The following RUNX1 variants were observed in gnomAD, a reference collection of about 807,000 sequenced individuals.
RUNX1 encodes the protein runt-related transcription factor 1.
A neutral mutation model predicts 42.8 loss-of-function variants in RUNX1; 19 were observed. The observed-to-expected ratio is 0.44, with a 90% CI of 0.31 to 0.65. The LOEUF (loss-of-function observed/expected upper bound fraction) is 0.65, where lower values mean the gene tolerates loss of function less well. Among genes scored for constraint, RUNX1 ranks in the 30% least tolerant of loss-of-function variants. The probability of loss-of-function intolerance (pLI) is 0.07; values close to 1 mark genes in which losing one functional copy is unlikely to be tolerated. For missense variants in RUNX1, 528 were observed against 672.0 expected, an observed-to-expected ratio of 0.79 and a Z score of 2.37; for synonymous variants, 271 against 289.4, an observed-to-expected ratio of 0.94 and a Z score of 0.64.
intron 4 of RUNX1, among the ~76,000 whole-genome samples, chr21:34,884,532 A>G (rs951262657): frequency 6.6e-6 from 1 of 152,208 alleles, no homozygotes; most frequent in African/African-American, 2.4e-5. Flanking sequence ...TTTCTGTTGA[A>G]GCTGCTTGTG....
chr21:34,891,860 C>G (rs1251322828), intron 3 of RUNX1, among the ~76,000 whole-genome samples: 1 of 152,050 alleles, frequency 6.6e-6, no homozygotes. Flanking sequence ...TTAAAAAGTA[C>G]TGCTTGGTTA....
intron 7 of RUNX1, among the ~76,000 whole-genome samples, chr21:34,831,071 C>T (rs1052067036): frequency 3.3e-5 from 5 of 152,082 alleles, no homozygotes; most frequent in African/African-American, 9.7e-5. Context: ...GAACAGGCAT[C>T]GGTACCACTA....
intron 2 of RUNX1, among the ~76,000 whole-genome samples, chr21:35,015,082 G>A (rs1486536197): frequency 6.6e-6 from 1 of 152,186 alleles, no homozygotes. Context: ...GCAGCAACGT[G>A]GAGTGAATAA....
chr21:35,036,472 G>A lies in RUNX1; in HGVS notation c.58+12370C>T, dbSNP rs533146512. On this transcript the variant is annotated intron_variant, in intron 2 of 8. Transcript: ENST00000675419. ...TTATGATTGCATCCTTCAGCATGCC[G>A]AACCCCTCCAGAAAGGGAAGGAACT... Among the ~76,000 whole-genome samples, 6 of 152,200 alleles carry A rather than the reference G, an allele frequency of 3.9e-5. No individual in the cohort carries two copies. In the East Asian group the frequency reaches 1.2e-3, roughly 29 times the overall value.
At chr21:34,934,279 T>A (rs990337599) in intron 2 of RUNX1, among the ~76,000 whole-genome samples, 5 of 152,142 alleles carry the variant, frequency 3.3e-5, no homozygotes, top group East Asian at 3.8e-4. Context: ...AATTTTTTTT[T>A]AATCATCTTA....
chr21:35,010,244 C>T (rs763597711), intron 2 of RUNX1, among the ~76,000 whole-genome samples: 25 of 152,090 alleles, frequency 1.6e-4, no homozygotes, highest in Non-Finnish European at 3.1e-4. Flanking sequence ...ATTATTACTC[C>T]ATAAGCTCCA....
At chr21:34,961,694 G>A (rs2058683168) in intron 2 of RUNX1, among the ~76,000 whole-genome samples, 1 of 152,142 alleles carries the variant, frequency 6.6e-6, no homozygotes. Flanking sequence ...GTCCCTAGGT[G>A]AGCAACAATT....
In RUNX1 at chr21:34,889,875, C is replaced by T. The variant is rs1341915081; in HGVS notation, c.98-2779G>A. On this transcript the variant is annotated intron_variant, in intron 3 of 8. Coordinates refer to ENST00000675419, the MANE Select transcript of RUNX1 (RefSeq NM_001754.5). ...CACGCCCTCCCTGCCGGGCCCTGCA[C>T]CTCCCGGGGCCTCTCATCCACCCCG... 20 of 1,070,154 alleles carry T rather than the reference C, an allele frequency of 1.9e-5. No individual in the cohort carries two copies. The South Asian group carries it at 6.7e-4, about 36-fold the overall frequency. The allele number at this position is 1,070,154 out of a possible 1,614,324, so 66.3% of individuals were successfully genotyped here. A position where few individuals can be genotyped will look rare whatever the true frequency, so the allele number is the denominator to read the frequency against.
chr21:34,928,010 T>A (rs1215869452), intron 2 of RUNX1, among the ~76,000 whole-genome samples: 1 of 152,170 alleles, frequency 6.6e-6, no homozygotes, highest in Non-Finnish European at 1.5e-5. Context: ...CAGTCTTTGG[T>A]GTTTAAAAAA....
intron 2 of RUNX1, among the ~76,000 whole-genome samples, chr21:34,948,047 A>G (rs2058577634): frequency 6.8e-6 from 1 of 146,540 alleles, no homozygotes; most frequent in Non-Finnish European, 1.5e-5. Context: ...CATTACCCTC[A>G]TCATCCCCAC....
chr21:34,993,370 C>A (rs1039955649), intron 2 of RUNX1, among the ~76,000 whole-genome samples: 6 of 152,078 alleles, frequency 3.9e-5, no homozygotes, highest in Admixed American at 3.3e-4. Context: ...GTTCTAGGGG[C>A]AAACAAAACT....
chr21:34,976,774 C>T (rs751468713), intron 2 of RUNX1, among the ~76,000 whole-genome samples: 1 of 152,156 alleles, frequency 6.6e-6, no homozygotes, highest in African/African-American at 2.4e-5. Flanking sequence ...GGTTATTATA[C>T]GTCCCTTAGG....
intron 2 of RUNX1, among the ~76,000 whole-genome samples, chr21:35,017,799 T>TC (rs1174743404): frequency 6.6e-6 from 1 of 152,126 alleles, no homozygotes; most frequent in Non-Finnish European, 1.5e-5. Flanking sequence ...TGCAGGGCAT[T>TC]CACCCGGGTG....
At chr21:34,872,320 G>T (rs1388822223) in intron 5 of RUNX1, among the ~76,000 whole-genome samples, 1 of 152,132 alleles carries the variant, frequency 6.6e-6, no homozygotes, top group Admixed American at 6.5e-5. Flanking sequence ...ATTCATGAGG[G>T]GGTGGCTACA....
At chr21:34,817,481 T>A (rs2056843142) in intron 7 of RUNX1, among the ~76,000 whole-genome samples, 1 of 152,172 alleles carries the variant, frequency 6.6e-6, no homozygotes, top group Admixed American at 6.5e-5. Flanking sequence ...AGTGCTTAAA[T>A]AAGTTGTGTA....
At chr21:34,941,003 T>C (rs1227949639) in intron 2 of RUNX1, among the ~76,000 whole-genome samples, 1 of 152,206 alleles carries the variant, frequency 6.6e-6, no homozygotes, top group Non-Finnish European at 1.5e-5. Flanking sequence ...CATAGAAGAA[T>C]TGTGGCTACC....
chr21:34,849,651 A>C (rs983832922), intron 6 of RUNX1, among the ~76,000 whole-genome samples: 2 of 148,974 alleles, frequency 1.3e-5, no homozygotes, highest in Non-Finnish European at 3.0e-5. Context: ...CATCCAACTA[A>C]ATGTCACTGG....
intron 2 of RUNX1, among the ~76,000 whole-genome samples, chr21:34,921,841 C>T (rs2058356622): frequency 6.6e-6 from 1 of 152,040 alleles, no homozygotes; most frequent in African/African-American, 2.4e-5. Flanking sequence ...ACTATATTGG[C>T]CAGGCTGGTC....
At chr21:35,041,934 T>A (rs1201804640) in intron 2 of RUNX1, among the ~76,000 whole-genome samples, 1 of 152,166 alleles carries the variant, frequency 6.6e-6, no homozygotes, top group Non-Finnish European at 1.5e-5. Context: ...AGAATTCTCT[T>A]AAAAATTAAA....
Sources: gnomAD v4.1 joint callset for allele counts (sites outside exome capture counted in the v4.1 genomes callset) on GRCh38, gnomAD v4.1.1 for gene constraint, MANE v1.5 for transcripts, NCBI Gene and HGNC (gene_info 2026-07-23, HGNC 2026-07-21) for gene names.